Variants in PDE4D observed in about 807,000 individuals in gnomAD.
PDE4D encodes the protein phosphodiesterase 4D, also known as 3',5'-cyclic-AMP phosphodiesterase 4D.
PDE4D carries 24 observed loss-of-function variants against 87.4 expected under a neutral mutation model. The ratio of observed to expected loss-of-function variants is 0.27; its 90% CI spans 0.20 to 0.39. PDE4D has a LOEUF of 0.39. Among genes scored for constraint, PDE4D ranks in the 10% least tolerant of loss-of-function variants. PDE4D has a pLI of 1.00. For synonymous variants in PDE4D, 384 were observed against 383.2 expected (o/e 1.00, Z -0.02); for missense variants, 714 against 1,041.0 (o/e 0.69, Z 4.32).
intron 2 of PDE4D, among the ~76,000 whole-genome samples, chr5:59,193,976 C>A (rs1003652125): frequency 5.9e-5 from 9 of 152,180 alleles, no homozygotes; most frequent in Non-Finnish European, 1.3e-4. Flanking sequence ...TCCACATCAT[C>A]CCGTGTAAGT....
At chr5:59,643,869 G>A (rs1742011799) in intron 1 of PDE4D, among the ~76,000 whole-genome samples, 1 of 152,192 alleles carries the variant, frequency 6.6e-6, no homozygotes, top group African/African-American at 2.4e-5. Context: ...CTAAGAAATT[G>A]TAATTCACTA....
chr5:59,571,721 A>G (rs1408815100), intron 1 of PDE4D, among the ~76,000 whole-genome samples: 1 of 152,194 alleles, frequency 6.6e-6, no homozygotes, highest in Non-Finnish European at 1.5e-5. Context: ...AGAAAATGAA[A>G]AAGTGCACTG....
chr5:59,960,561 G>A (rs1256362626), intron 3 of PDE4D, among the ~76,000 whole-genome samples: 1 of 152,146 alleles, frequency 6.6e-6, no homozygotes, highest in African/African-American at 2.4e-5. Context: ...AAGCAACATG[G>A]ATGCAGCCAT....
intron 1 of PDE4D, among the ~76,000 whole-genome samples, chr5:59,419,680 G>A (rs1308251273): frequency 6.6e-6 from 1 of 152,146 alleles, no homozygotes; most frequent in Non-Finnish European, 1.5e-5. Flanking sequence ...TGACGTGCAT[G>A]CAATCTTAAC....
chr5:59,249,398 T>C (rs1474511488), intron 1 of PDE4D, among the ~76,000 whole-genome samples: 1 of 152,134 alleles, frequency 6.6e-6, no homozygotes, highest in Non-Finnish European at 1.5e-5. Flanking sequence ...AGAAGTATTT[T>C]TTGCAACATA....
At chr5:59,060,964 T>A (rs576148771) in intron 5 of PDE4D, among the ~76,000 whole-genome samples, 1 of 152,204 alleles carries the variant, frequency 6.6e-6, no homozygotes, top group East Asian at 1.9e-4. Flanking sequence ...CTGCTTCCAT[T>A]GTTGGGAGGC....
At chr5:59,104,492 A>T (rs533082708) in intron 5 of PDE4D, among the ~76,000 whole-genome samples, 1 of 152,324 alleles carries the variant, frequency 6.6e-6, no homozygotes, top group South Asian at 2.1e-4. Flanking sequence ...TTTATTTCCA[A>T]GCTTACTGAA....
intron 1 of PDE4D, among the ~76,000 whole-genome samples, chr5:59,321,763 G>T (rs1403147016): frequency 6.6e-6 from 1 of 152,094 alleles, no homozygotes; most frequent in East Asian, 1.9e-4. Context: ...AGTGTAATAT[G>T]GGAATTATAG....
At chr5:59,935,429 T>C (rs1375816787) in intron 3 of PDE4D, among the ~76,000 whole-genome samples, 2 of 152,138 alleles carry the variant, frequency 1.3e-5, no homozygotes, top group African/African-American at 4.8e-5. Flanking sequence ...TACTTCCTCA[T>C]TTGATAAAAA....
At chr5:59,443,178 A>G (rs1797886917) in intron 1 of PDE4D, among the ~76,000 whole-genome samples, 2 of 152,196 alleles carry the variant, frequency 1.3e-5, no homozygotes, top group Admixed American at 1.3e-4. Flanking sequence ...CAGGGAATGT[A>G]AAATCAATGC....
chr5:60,038,264 T>C (rs983973570), intron 2 of PDE4D, among the ~76,000 whole-genome samples: 11 of 152,322 alleles, frequency 7.2e-5, no homozygotes, highest in African/African-American at 2.6e-4. Context: ...TTAGGTCTAA[T>C]GTTTAAGTCT....
intron 1 of PDE4D, among the ~76,000 whole-genome samples, chr5:59,486,540 T>C (rs894469651): frequency 3.3e-5 from 5 of 152,238 alleles, no homozygotes; most frequent in Non-Finnish European, 5.9e-5. Flanking sequence ...TTGCATGCTT[T>C]ATACATGTTT....
intron 1 of PDE4D, among the ~76,000 whole-genome samples, chr5:59,303,384 G>A (rs918702804): frequency 1.1e-4 from 17 of 152,088 alleles, no homozygotes; most frequent in Admixed American, 3.9e-4. Flanking sequence ...GCAAAAGCTC[G>A]TAAAGTTTAA....
intron 1 of PDE4D, among the ~76,000 whole-genome samples, chr5:59,478,393 C>G (rs1803684359): frequency 6.6e-6 from 1 of 151,916 alleles, no homozygotes; most frequent in Admixed American, 6.6e-5. Context: ...TTGTAAACAT[C>G]TAGACTTAAT....
chr5:59,052,972 C>T (rs1026476249), intron 5 of PDE4D, among the ~76,000 whole-genome samples: 5 of 151,876 alleles, frequency 3.3e-5, no homozygotes, highest in African/African-American at 1.2e-4. Flanking sequence ...AAAACATGGT[C>T]AAAATTAACA....
chr5:59,162,945 AT>A (rs1191086458), intron 5 of PDE4D, among the ~76,000 whole-genome samples: 1,905 of 144,482 alleles, frequency 0.013, 33 homozygotes, highest in African/African-American at 0.042. Context: ...TATCTAATTG[AT>A]TTTTTTTTTT....
At chr5:59,124,743 G>C (rs1181535104) in intron 5 of PDE4D, among the ~76,000 whole-genome samples, 1 of 152,142 alleles carries the variant, frequency 6.6e-6, no homozygotes, top group Non-Finnish European at 1.5e-5. Context: ...ATAGTAAAAA[G>C]ATGAAAATGT....
intron 1 of PDE4D, among the ~76,000 whole-genome samples, chr5:60,455,832 A>T (rs1217617780): frequency 3.3e-5 from 5 of 152,166 alleles, no homozygotes; most frequent in Non-Finnish European, 7.3e-5. Flanking sequence ...TCTGCGATCA[A>T]GTCTAGTTAC....
At chr5:59,249,158 G>C (rs75665969) in intron 1 of PDE4D, among the ~76,000 whole-genome samples, 3 of 151,920 alleles carry the variant, frequency 2.0e-5, no homozygotes, top group Admixed American at 2.0e-4. Flanking sequence ...GAAAATAAGC[G>C]AAGAGACAAA....
Sources: allele counts gnomAD v4.1 joint callset (sites outside exome capture counted in the v4.1 genomes callset), GRCh38; gene constraint gnomAD v4.1.1; transcripts MANE v1.5; gene names NCBI Gene and HGNC (gene_info 2026-07-23, HGNC 2026-07-21).